The following SLC1A2 variants were observed in gnomAD, a reference collection of about 807,000 sequenced individuals.
SLC1A2 encodes solute carrier family 1 member 2.
In SLC1A2, 15 loss-of-function variants were observed where a neutral mutation model predicts 48.8. The ratio of observed to expected loss-of-function variants is 0.31; its 90% CI spans 0.21 to 0.47. The LOEUF (loss-of-function observed/expected upper bound fraction) is 0.47, where lower values mean the gene tolerates loss of function less well. Among genes scored for constraint, SLC1A2 ranks in the 20% least tolerant of loss-of-function variants. The probability of loss-of-function intolerance (pLI) is 0.99; values close to 1 mark genes in which losing one functional copy is unlikely to be tolerated. For synonymous variants in SLC1A2, 279 were observed against 272.6 expected (o/e 1.02, Z -0.23); for missense variants, 502 against 730.5 (o/e 0.69, Z 3.61).
chr11:35,325,905 A>G (rs1388473440), intron 1 of SLC1A2, among the ~76,000 whole-genome samples: 1 of 147,152 alleles, frequency 6.8e-6, no homozygotes, highest in South Asian at 2.2e-4. Flanking sequence ...TGGAGGTTGC[A>G]GTGAGCCGGG....
intron 1 of SLC1A2, among the ~76,000 whole-genome samples, chr11:35,328,558 A>G (rs1852321249): frequency 6.6e-6 from 1 of 152,188 alleles, no homozygotes; most frequent in Non-Finnish European, 1.5e-5. Flanking sequence ...TGGATGGTAG[A>G]GCTAGGATTT....
chr11:35,358,653 C>T (rs1853567655), intron 1 of SLC1A2, among the ~76,000 whole-genome samples: 1 of 152,062 alleles, frequency 6.6e-6, no homozygotes, highest in Admixed American at 6.6e-5. Flanking sequence ...ATTTTTTTAT[C>T]ATCATCTTGG....
intron 1 of SLC1A2, among the ~76,000 whole-genome samples, chr11:35,394,412 G>A (rs1020820364): frequency 6.6e-6 from 1 of 152,070 alleles, no homozygotes; most frequent in African/African-American, 2.4e-5. Context: ...GAGCCTGCTG[G>A]AGTGAAAGGC....
intron 1 of SLC1A2, among the ~76,000 whole-genome samples, chr11:35,367,046 C>A (rs1853874958): frequency 6.6e-6 from 1 of 152,220 alleles, no homozygotes; most frequent in South Asian, 2.1e-4. Flanking sequence ...TCATAGCAGA[C>A]TTGCTACTTA....
At chr11:35,413,416 T>C (rs957514264) in intron 1 of SLC1A2, among the ~76,000 whole-genome samples, 1 of 152,216 alleles carries the variant, frequency 6.6e-6, no homozygotes, top group Admixed American at 6.5e-5. Flanking sequence ...TAAGAGTCAC[T>C]CCTGCTGCAT....
chr11:35,333,975 T>TTA (rs1308817627), intron 1 of SLC1A2, among the ~76,000 whole-genome samples: 2 of 152,076 alleles, frequency 1.3e-5, no homozygotes, highest in Non-Finnish European at 2.9e-5. Flanking sequence ...CACTGCTCAT[T>TTA]TAAGTTTTTC....
intron 1 of SLC1A2, among the ~76,000 whole-genome samples, chr11:35,337,934 A>C (rs775823847): frequency 2.0e-5 from 3 of 152,208 alleles, no homozygotes; most frequent in Non-Finnish European, 2.9e-5. Context: ...TACCATCAAC[A>C]TTATCATTGT....
intron 5 of SLC1A2, 90 bp from the exon 6 acceptor site, chr11:35,301,735 C>T (rs1851363547): frequency 6.8e-6 from 8 of 1,182,294 alleles, no homozygotes; most frequent in Non-Finnish European, 7.3e-6. Context: ...TGTATGGAGC[C>T]ATGTTCTCAC....
At chr11:35,330,600 C>G (rs1198285914) in intron 1 of SLC1A2, among the ~76,000 whole-genome samples, 1 of 152,130 alleles carries the variant, frequency 6.6e-6, no homozygotes, top group Non-Finnish European at 1.5e-5. Flanking sequence ...CAGCTGACCT[C>G]AAGATAGGGA....
chr11:35,363,288 G>T lies in SLC1A2; in HGVS notation c.18-45772C>A, dbSNP rs1361893636. On this transcript the variant is annotated intron_variant, in intron 1 of 10. Coordinates refer to ENST00000278379, the MANE Select transcript of SLC1A2 (RefSeq NM_004171.4). ...TTCTGCCCCAGATGACAATTTTGGG[G>T]TTGTTCCAGACCGTGGATGTCTGAG... Among the ~76,000 whole-genome samples, 6 of 152,172 alleles carry T rather than the reference G, an allele frequency of 3.9e-5. No homozygotes were observed. In the East Asian group the frequency reaches 1.2e-3, roughly 29 times the overall value.
intron 7 of SLC1A2, among the ~76,000 whole-genome samples, chr11:35,289,992 G>A (rs563739595): frequency 1.2e-4 from 19 of 152,246 alleles, no homozygotes; most frequent in African/African-American, 4.6e-4. Flanking sequence ...GGAGGGGAAG[G>A]AGAAGTAAAG....
intron 1 of SLC1A2, among the ~76,000 whole-genome samples, chr11:35,337,790 C>T (rs935712595): frequency 1.3e-5 from 2 of 152,086 alleles, no homozygotes; most frequent in Non-Finnish European, 2.9e-5. Context: ...GAGTTGGATG[C>T]CTCTCCCCTG....
At chr11:35,275,037 A>C (rs767659670) in intron 9 of SLC1A2, among the ~76,000 whole-genome samples, 1 of 152,206 alleles carries the variant, frequency 6.6e-6, no homozygotes, top group Non-Finnish European at 1.5e-5. Context: ...GCATCATCAG[A>C]ATCACCTGGG....
rs549007408 is a variant in SLC1A2 at position 35,385,950 on chromosome 11, G to A, written c.17+33000C>T. Among the ~76,000 whole-genome samples, 6 of 152,140 alleles carry A rather than the reference G, an allele frequency of 3.9e-5. No homozygotes were observed. The East Asian group carries it at 1.2e-3, about 29-fold the overall frequency. On this transcript the variant is annotated intron_variant, in intron 1 of 10. Coordinates refer to ENST00000278379, the MANE Select transcript of SLC1A2 (RefSeq NM_004171.4). Reference sequence around the variant, plus strand: ...TAGGAGGCCAAGGCGGGTGGATCACGAGGTCAGGAGATCTAGACCATCCTG... The same window carrying A: ...TAGGAGGCCAAGGCGGGTGGATCACAAGGTCAGGAGATCTAGACCATCCTG...
intron 1 of SLC1A2, among the ~76,000 whole-genome samples, chr11:35,389,496 G>A (rs1328483231): frequency 6.6e-6 from 1 of 150,778 alleles, no homozygotes; most frequent in South Asian, 2.1e-4. Flanking sequence ...GTGAGACAGA[G>A]CTTCACTCTT....
intron 2 of SLC1A2, chr11:35,316,402 C>G (rs753822545): frequency 2.0e-5 from 3 of 152,252 alleles, no homozygotes; most frequent in Non-Finnish European, 4.4e-5. Context: ...AAAAATCCCA[C>G]TCTCCAACTT....
chr11:35,259,335 G>C lies in SLC1A2; in HGVS notation c.*1559C>G, dbSNP rs1950359600. ...ACAGCCTATTCTCACCTATAAACAA[G>C]GTTCTACATACTTCTTAGAGTCAAA... On this transcript the variant is annotated 3_prime_UTR_variant, in exon 11 of 11. Coordinates refer to ENST00000278379, the MANE Select transcript of SLC1A2 (RefSeq NM_004171.4). 6.6e-6 allele frequency: 1 copy of C among 152,510 alleles called. No individual in the cohort carries two copies. The highest frequency in any genetic ancestry group is 1.5e-5 in the Non-Finnish European group (1 of 68,030). 9.4% of individuals were successfully genotyped at this position (152,510 alleles called of 1,614,324 possible).
intron 10 of SLC1A2, among the ~76,000 whole-genome samples, chr11:35,262,669 A>G (rs1565198090): frequency 6.6e-6 from 1 of 152,268 alleles, no homozygotes; most frequent in Non-Finnish European, 1.5e-5. Flanking sequence ...TCCTTCCCAC[A>G]CCAGCATCAA....
At chr11:35,392,113 G>A (rs563208057) in intron 1 of SLC1A2, among the ~76,000 whole-genome samples, 4 of 152,268 alleles carry the variant, frequency 2.6e-5, no homozygotes, top group South Asian at 2.1e-4. Context: ...ATGTGTTTGT[G>A]CACGTGTGTG....
Sources: allele counts gnomAD v4.1 joint callset (sites outside exome capture counted in the v4.1 genomes callset), GRCh38; gene constraint gnomAD v4.1.1; transcripts MANE v1.5; gene names NCBI Gene and HGNC (gene_info 2026-07-23, HGNC 2026-07-21).